THSD7B: variants seen among roughly 807,000 people sequenced by gnomAD.
The protein encoded by THSD7B is thrombospondin type-1 domain-containing protein 7B.
Under a neutral mutation model 213.6 loss-of-function variants are expected in THSD7B, and 138 were observed. That is an observed-to-expected ratio of 0.65 (90% CI 0.56 to 0.74). The LOEUF (loss-of-function observed/expected upper bound fraction) is 0.74, where lower values mean the gene tolerates loss of function less well. Ranked by LOEUF, THSD7B falls within the 30% of genes least tolerant of loss-of-function variation. THSD7B has a pLI of 0.00. For synonymous variants in THSD7B, 742 were observed against 687.0 expected, an observed-to-expected ratio of 1.08 and a Z score of -1.25; for missense variants, 1,931 against 1,991.5, an observed-to-expected ratio of 0.97 and a Z score of 0.58.
intron 17 of THSD7B, among the ~76,000 whole-genome samples, chr2:137,592,506 A>T (rs1034549017): frequency 2.6e-5 from 4 of 152,008 alleles, no homozygotes; most frequent in African/African-American, 7.2e-5. Context: ...GAATTTCTGT[A>T]TACTTCATTA....
At chr2:136,830,154 G>A (rs1246433298) in intron 1 of THSD7B, among the ~76,000 whole-genome samples, 1 of 151,966 alleles carries the variant, frequency 6.6e-6, no homozygotes, top group African/African-American at 2.4e-5. Flanking sequence ...ATACCTGAGT[G>A]TGCATAAACA....
At chr2:136,859,422 G>A (rs1249657351) in intron 1 of THSD7B, among the ~76,000 whole-genome samples, 5 of 152,176 alleles carry the variant, frequency 3.3e-5, no homozygotes, top group African/African-American at 1.2e-4. Context: ...GAATCTGGTG[G>A]AGAGAAGATA....
intron 12 of THSD7B, among the ~76,000 whole-genome samples, chr2:137,280,253 T>A (rs1031824481): frequency 2.6e-5 from 4 of 152,164 alleles, no homozygotes; most frequent in African/African-American, 9.6e-5. Context: ...ACCCTTGGGA[T>A]GAAATTTGTC....
At chr2:137,271,611 G>T (rs1444236722) in intron 10 of THSD7B, among the ~76,000 whole-genome samples, 1 of 151,188 alleles carries the variant, frequency 6.6e-6, no homozygotes, top group Non-Finnish European at 1.5e-5. Flanking sequence ...AATGATTTCT[G>T]TTTCTTCTAT....
At chr2:137,435,976 C>T (rs2105046743) in intron 14 of THSD7B, among the ~76,000 whole-genome samples, 1 of 152,232 alleles carries the variant, frequency 6.6e-6, no homozygotes, top group Non-Finnish European at 1.5e-5. Context: ...TTACTGCATG[C>T]TCTCATCTCC....
At chr2:136,882,803 C>T (rs1529393) in intron 2 of THSD7B, among the ~76,000 whole-genome samples, 130,897 of 152,186 alleles carry the variant, frequency 0.86, 56,671 homozygotes, top group Non-Finnish European at 0.91. Context: ...GTTGTGACTG[C>T]AAAGTCACGT....
intron 2 of THSD7B, among the ~76,000 whole-genome samples, chr2:137,055,571 G>A (rs187776140): frequency 1.1e-4 from 17 of 152,224 alleles, no homozygotes; most frequent in Admixed American, 8.5e-4. Context: ...TATGATAAAC[G>A]TCAATGGGCA....
chr2:137,231,352 A>T (rs998765809), intron 8 of THSD7B, 117 bp downstream of exon 8: 1 of 997,636 alleles, frequency 1.0e-6, no homozygotes, highest in African/African-American at 1.6e-5. Flanking sequence ...CGATATCTCT[A>T]TTCCCTGAAT....
rs559012447 is a variant in THSD7B, at chr2:137,654,450, C to T, written c.3946-1051C>T. Among the ~76,000 whole-genome samples, 10 of 152,326 alleles carry T rather than the reference C, an allele frequency of 6.6e-5. No homozygotes were observed. In the South Asian group the frequency reaches 2.1e-3, roughly 32 times the overall value. ...GATGTTTCTTTCTTCAGGCACTTCC[C>T]ATGCTTCCGGTGGGTTGAGGCAGGG... On this transcript the variant is annotated intron_variant, in intron 21 of 27. Coordinates refer to ENST00000409968, the MANE Select transcript of THSD7B (RefSeq NM_001316349.2).
chr2:137,170,998 G>T, intron 7 of THSD7B, 60 bp downstream of exon 7: 1 of 1,531,900 alleles, frequency 6.5e-7, no homozygotes, highest in South Asian at 1.2e-5. Flanking sequence ...AATAACACAT[G>T]ACCACCCTTC....
At chr2:136,781,907 G>T (rs1354199811) in intron 1 of THSD7B, among the ~76,000 whole-genome samples, 1 of 152,116 alleles carries the variant, frequency 6.6e-6, no homozygotes, top group Non-Finnish European at 1.5e-5. Flanking sequence ...TGATTAACAT[G>T]TGACATATAC....
chr2:137,667,264 C>T (rs1048018237), intron 26 of THSD7B, among the ~76,000 whole-genome samples: 1 of 152,044 alleles, frequency 6.6e-6, no homozygotes, highest in African/African-American at 2.4e-5. Flanking sequence ...TTTACATTTT[C>T]GCTTTTTTTC....
chr2:136,870,142 G>A (rs1683408948), intron 1 of THSD7B, among the ~76,000 whole-genome samples: 1 of 151,104 alleles, frequency 6.6e-6, no homozygotes, highest in Non-Finnish European at 1.5e-5. Flanking sequence ...TCTGTGTGTT[G>A]GGTAAGATAT....
intron 2 of THSD7B, among the ~76,000 whole-genome samples, chr2:137,044,595 A>C (rs1163589408): frequency 6.6e-6 from 1 of 152,204 alleles, no homozygotes; most frequent in African/African-American, 2.4e-5. Flanking sequence ...CCTATGATAA[A>C]GTTTAATTTC....
chr2:136,831,537 A>G (rs141243523), intron 1 of THSD7B, among the ~76,000 whole-genome samples: 11 of 152,290 alleles, frequency 7.2e-5, no homozygotes, highest in Non-Finnish European at 1.5e-4. Flanking sequence ...TGTTTGATGC[A>G]CTGTGTAAAG....
At chr2:137,079,442 A>G (rs1687697545) in intron 3 of THSD7B, among the ~76,000 whole-genome samples, 2 of 152,142 alleles carry the variant, frequency 1.3e-5, no homozygotes, top group Admixed American at 1.3e-4. Flanking sequence ...CTTCATAGTG[A>G]AATGTTAACT....
intron 5 of THSD7B, among the ~76,000 whole-genome samples, chr2:137,118,709 A>G (rs1052481091): frequency 1.2e-4 from 19 of 152,246 alleles, no homozygotes; most frequent in South Asian, 4.1e-4. Flanking sequence ...TTAAGAGTAC[A>G]TGACCACACA....
chr2:137,372,014 T>C (rs943883315), intron 12 of THSD7B, among the ~76,000 whole-genome samples: 1 of 152,176 alleles, frequency 6.6e-6, no homozygotes, highest in Non-Finnish European at 1.5e-5. Context: ...CTTTTTAAGA[T>C]TGAAGTAAAA....
At chr2:137,514,293 A>G (rs1364774366) in intron 15 of THSD7B, among the ~76,000 whole-genome samples, 1 of 152,160 alleles carries the variant, frequency 6.6e-6, no homozygotes, top group Non-Finnish European at 1.5e-5. Flanking sequence ...GGTGGGCACC[A>G]TCTAATAAGC....
Sources: gnomAD v4.1 joint callset for allele counts (sites outside exome capture counted in the v4.1 genomes callset) on GRCh38, gnomAD v4.1.1 for gene constraint, MANE v1.5 for transcripts, NCBI Gene and HGNC (gene_info 2026-07-23, HGNC 2026-07-21) for gene names.